Variants in DAP3 observed in about 807,000 individuals in gnomAD.
The protein encoded by DAP3 is death associated protein 3.
Under a neutral mutation model 51.9 loss-of-function variants are expected in DAP3, and 28 were observed. The ratio of observed to expected loss-of-function variants is 0.54; its 90% CI spans 0.40 to 0.74. The LOEUF (loss-of-function observed/expected upper bound fraction) is 0.74. DAP3 is among the 30% of genes least tolerant of loss of function. DAP3 has a pLI of 0.00. For missense variants in DAP3, 458 were observed against 483.5 expected, an observed-to-expected ratio of 0.95 and a Z score of 0.49; for synonymous variants, 170 against 170.3, an observed-to-expected ratio of 1.00 and a Z score of 0.01.
chr1:155,729,578 A>G (rs1658981597), intron 9 of DAP3, among the ~76,000 whole-genome samples: 2 of 151,974 alleles, frequency 1.3e-5, no homozygotes, highest in South Asian at 4.2e-4. Context: ...CCAGGAGTTC[A>G]AGACTAGGAT....
At chr1:155,720,072 C>A (rs778967307) in intron 3 of DAP3, among the ~76,000 whole-genome samples, 3 of 151,774 alleles carry the variant, frequency 2.0e-5, no homozygotes, top group Non-Finnish European at 2.9e-5. Context: ...CGCCTGTAAT[C>A]CCAACACTGA....
chr1:155,688,392 A>T, upstream of DAP3: 1 of 1,542,312 alleles, frequency 6.5e-7, no homozygotes. Context: ...GCGCCTAGCG[A>T]CACCCCCAAC....
chr1:155,737,715 G>A (rs551052939), intron 12 of DAP3, among the ~76,000 whole-genome samples: 5 of 151,974 alleles, frequency 3.3e-5, no homozygotes, highest in Admixed American at 1.3e-4. Context: ...ACTTGATGTC[G>A]GGAGTTTGAG....
chr1:155,697,980 C>T (rs932075489), intron 1 of DAP3, among the ~76,000 whole-genome samples: 1 of 152,200 alleles, frequency 6.6e-6, no homozygotes, highest in African/African-American at 2.4e-5. Flanking sequence ...CGATATTTCT[C>T]CTATTCGCTT....
chr1:155,720,308 G>A (rs115714393), intron 3 of DAP3, among the ~76,000 whole-genome samples: 3,363 of 108,814 alleles, frequency 0.031, 153 homozygotes, highest in African/African-American at 0.11. Flanking sequence ...CTGGTAAACC[G>A]AGCAAGATCT....
chr1:155,703,079 A>G (rs1655513814), intron 1 of DAP3, among the ~76,000 whole-genome samples: 1 of 152,256 alleles, frequency 6.6e-6, no homozygotes, highest in Non-Finnish European at 1.5e-5. Flanking sequence ...GAATCAGGAC[A>G]TATGAGGCCT....
chr1:155,717,053 C>G lies in DAP3; in HGVS notation c.93C>G (p.Ser31Arg), dbSNP rs1657423105. The G allele has an allele frequency of 1.2e-6, 2 of 1,614,066 alleles. No individual in the cohort carries two copies. The highest frequency in any genetic ancestry group is 4.5e-5 in the East Asian group (2 of 44,892). Residue 31 changes from serine to arginine, a missense_variant, in exon 3 of 13, where the codon AGC becomes AGG. By Grantham distance (110) the Ser-to-Arg change is moderately radical. Coordinates refer to ENST00000368336, the MANE Select transcript of DAP3 (RefSeq NM_004632.4). Reference sequence around the variant, plus strand: ...ACATGGGGACCCAGGCTCGCCAAAGCATTGCTGCTCACCTAGATAACCAGG... The same window carrying G: ...ACATGGGGACCCAGGCTCGCCAAAGGATTGCTGCTCACCTAGATAACCAGG... ...FLHMGTQARQ[S>R]IAAHLDNQVP...
chr1:155,710,073 G>C (rs1230619657), intron 2 of DAP3: 1 of 378,632 alleles, frequency 2.6e-6, no homozygotes, highest in Non-Finnish European at 4.7e-6. Flanking sequence ...CTAGAGAATG[G>C]TTATCATCCC....
upstream of DAP3, chr1:155,688,145 C>G (rs61817761): frequency 6.2e-7 from 1 of 1,613,506 alleles, no homozygotes; most frequent in Non-Finnish European, 8.5e-7. Context: ...CCTCCGCTTC[C>G]CTGGGTCCAC....
At position 155,721,478 on chromosome 1, in the gene DAP3, T is replaced by G. The variant is rs781137992; in HGVS notation, c.169-39T>G. On this transcript the variant is annotated intron_variant, in intron 3 of 12. Coordinates refer to ENST00000368336, the MANE Select transcript of DAP3 (RefSeq NM_004632.4). ...AGACAAAAAAGAAAGTCTTGGTCACTTTGTCACCATTATACCTGTTTGCAC... is the reference window on the plus strand; with the variant it reads ...AGACAAAAAAGAAAGTCTTGGTCACGTTGTCACCATTATACCTGTTTGCAC... The G allele has an allele frequency of 1.9e-6, 3 of 1,599,384 alleles. No individual in the cohort carries two copies. In the Admixed American group the frequency reaches 5.0e-5, roughly 27 times the overall value.
chr1:155,734,234 G>T (rs974350756), intron 11 of DAP3, among the ~76,000 whole-genome samples: 1 of 152,052 alleles, frequency 6.6e-6, no homozygotes, highest in Non-Finnish European at 1.5e-5. Context: ...TGGAGATAGG[G>T]TCTCACTCTG....
chr1:155,725,324 AC>A (rs1658449345), intron 4 of DAP3, 57 bp from the exon 5 acceptor site: 21 of 1,470,374 alleles, frequency 1.4e-5, no homozygotes, highest in African/African-American at 2.8e-5. Flanking sequence ...TATATATACC[AC>A]CCCCCACCCA....
intron 1 of DAP3, among the ~76,000 whole-genome samples, chr1:155,699,666 T>G (rs1056452110): frequency 4.6e-5 from 7 of 152,110 alleles, no homozygotes; most frequent in Non-Finnish European, 7.3e-5. Context: ...TGGGCTGGAG[T>G]GCAGTGGTGT....
rs1658066388 is a variant in DAP3, at chr1:155,721,925, G to A, written c.270+307G>A. On this transcript the variant is annotated intron_variant, in intron 4 of 12. Transcript: ENST00000368336. ...AAAATAGTTAATATGCTGCACAAAA[G>A]CAAAATCATAGTACACTCCTGAGCT... The A allele has an allele frequency of 3.1e-5, 15 of 483,528 alleles. No homozygotes were observed. In the East Asian group the frequency reaches 4.6e-4, roughly 15 times the overall value. The allele number at this position is 483,528 out of a possible 1,614,324, so 30.0% of individuals were successfully genotyped here. A position where few individuals can be genotyped will look rare whatever the true frequency, so the allele number is the denominator to read the frequency against.
intron 11 of DAP3, among the ~76,000 whole-genome samples, chr1:155,733,315 T>C (rs780876938): frequency 1.6e-4 from 24 of 152,194 alleles, no homozygotes; most frequent in Non-Finnish European, 3.2e-4. Context: ...AAGTTATTAT[T>C]TTGCTTTGGA....
At chr1:155,734,432 C>T (rs1659556187) in intron 11 of DAP3, among the ~76,000 whole-genome samples, 2 of 152,104 alleles carry the variant, frequency 1.3e-5, no homozygotes, top group Non-Finnish European at 2.9e-5. Context: ...CCACCTCGGC[C>T]TCCTAAAGTG....
At chr1:155,688,770 C>T, upstream of DAP3, 1 of 1,533,964 alleles carries the variant, frequency 6.5e-7, no homozygotes, top group African/African-American at 1.4e-5. Context: ...GCACCCCCAC[C>T]CTACACTCCT....
At chr1:155,698,926 G>C (rs1257495703) in intron 1 of DAP3, among the ~76,000 whole-genome samples, 2 of 152,080 alleles carry the variant, frequency 1.3e-5, no homozygotes, top group Admixed American at 6.6e-5. Flanking sequence ...CATTTCACAC[G>C]CTTGAGCATG....
chr1:155,703,362 A>G (rs1000916626), intron 1 of DAP3, among the ~76,000 whole-genome samples: 7 of 152,200 alleles, frequency 4.6e-5, no homozygotes, highest in African/African-American at 1.7e-4. Flanking sequence ...GAAAGGGGAA[A>G]CACCTTATTA....
Sources: gnomAD v4.1 joint callset for allele counts (sites outside exome capture counted in the v4.1 genomes callset) on GRCh38, gnomAD v4.1.1 for gene constraint, MANE v1.5 for transcripts, NCBI Gene and HGNC (gene_info 2026-07-23, HGNC 2026-07-21) for gene names.